STARD7: variants seen among roughly 807,000 people sequenced by gnomAD.
STARD7 encodes stAR-related lipid transfer protein 7, mitochondrial.
Under a neutral mutation model 45.3 loss-of-function variants are expected in STARD7, and 30 were observed. The ratio of observed to expected loss-of-function variants is 0.66; its 90% CI spans 0.50 to 0.90. STARD7 has a LOEUF of 0.90. STARD7 is among the 40% of genes least tolerant of loss of function. The pLI is 0.00. For missense variants in STARD7, 495 were observed against 491.3 expected (o/e 1.01, Z -0.07); for synonymous variants, 199 against 183.0 (o/e 1.09, Z -0.70).
intron 1 of STARD7, among the ~76,000 whole-genome samples, chr2:96,205,114 C>T (rs1477166897): frequency 6.6e-6 from 1 of 152,098 alleles, no homozygotes; most frequent in Non-Finnish European, 1.5e-5. Flanking sequence ...CAGCTAGCAC[C>T]AAAAACAGCA....
Position 96,195,455 on chromosome 2 carries a change from C to G in STARD7, c.385G>C (p.Glu129Gln). The G allele has an allele frequency of 6.2e-7, 1 of 1,613,660 alleles. No individual in the cohort carries two copies. The highest frequency in any genetic ancestry group is 8.5e-7 in the Non-Finnish European group (1 of 1,179,766). Residue 129 changes from glutamate to glutamine, a missense_variant, in exon 2 of 8, where the codon GAA becomes CAA. By Grantham distance (29) the Glu-to-Gln change is conservative (BLOSUM62 2). This residue lies in a region of STARD7 where 282 missense variants were observed against 220.1 expected (regional missense o/e 1.28). Coordinates refer to ENST00000337288, the MANE Select transcript of STARD7 (RefSeq NM_020151.4). ...TTGCCCTCTGAATCTTCATTCCCTT[C>G]TGTTTGGGCTTTTGGTTCTGGAGGG... ...HHPPEPKAQT[E>Q]GNEDSEGKEQ...
At chr2:96,197,960 CAAATA>C (rs1459527568) in intron 1 of STARD7, among the ~76,000 whole-genome samples, 1 of 152,064 alleles carries the variant, frequency 6.6e-6, no homozygotes, top group African/African-American at 2.4e-5. Flanking sequence ...ATCCATTCAT[CAAATA>C]AAATTTGTTT....
chr2:96,193,353 C>A lies in STARD7; in HGVS notation c.550-1G>T. 1 of 1,602,954 alleles carries A rather than the reference C, an allele frequency of 6.2e-7. No individual in the cohort carries two copies. Among genetic ancestry groups the A allele is most frequent in the Non-Finnish European group, 8.5e-7 (1 of 1,169,906 alleles). On this transcript the variant is annotated splice_acceptor_variant, in intron 3 of 7. Transcript: ENST00000337288. LOFTEE classifies it high-confidence loss of function. The stretch of plus-strand genomic sequence containing the variant: ...ATTTTTTTCTATACTCTGTGTCCAG[C>A]TGCAGAAAGAGAAAAGACCATGAAT...
Position 96,208,692 on chromosome 2 carries a change from A to C in STARD7, c.-258T>G, listed in dbSNP as rs1683452638. ...CCAGGCACTCCTGGGCCCGGGCAGC[A>C]GACCAGTCAGCCCTGTGGCTCCTCG... On this transcript the variant is annotated 5_prime_UTR_variant, in exon 1 of 8. Transcript: ENST00000337288. 2.3e-6 allele frequency: 1 copy of C among 439,276 alleles called. No individual in the cohort carries two copies. Among genetic ancestry groups the C allele is most frequent in the Admixed American group, 4.4e-5 (1 of 22,852 alleles). The allele number at this position is 439,276 out of a possible 1,614,324, so 27.2% of individuals were successfully genotyped here. A position where few individuals can be genotyped will look rare whatever the true frequency, so the allele number is the denominator to read the frequency against.
chr2:96,188,917 A>G (rs1284289609), intron 6 of STARD7, among the ~76,000 whole-genome samples: 1 of 146,278 alleles, frequency 6.8e-6, no homozygotes, highest in African/African-American at 2.5e-5. Context: ...AAAACAAACA[A>G]AAACAAAAAA....
At chr2:96,199,963 G>T (rs1683280107) in intron 1 of STARD7, among the ~76,000 whole-genome samples, 1 of 152,120 alleles carries the variant, frequency 6.6e-6, no homozygotes, top group African/African-American at 2.4e-5. Context: ...GTAATAAATT[G>T]ATTTTTGTAT....
intron 1 of STARD7, among the ~76,000 whole-genome samples, chr2:96,201,899 A>C (rs1444602835): frequency 6.6e-6 from 1 of 152,230 alleles, no homozygotes; most frequent in Non-Finnish European, 1.5e-5. Flanking sequence ...AATAATGGTA[A>C]GTCTAAAGAT....
chr2:96,194,230 C>T (rs1327058132), intron 3 of STARD7, among the ~76,000 whole-genome samples: 4 of 152,008 alleles, frequency 2.6e-5, no homozygotes, highest in East Asian at 3.9e-4. Flanking sequence ...AGTGTGGTGG[C>T]GCATGCCTGT....
intron 6 of STARD7, among the ~76,000 whole-genome samples, chr2:96,190,696 C>T (rs1221296652): frequency 6.6e-6 from 1 of 151,840 alleles, no homozygotes; most frequent in Non-Finnish European, 1.5e-5. Context: ...GGCTGGCATG[C>T]AGTGGCACAA....
At position 96,208,126 on chromosome 2, in the gene STARD7, A is replaced by G; in HGVS notation, c.290+19T>C. The G allele has an allele frequency of 6.6e-7, 1 of 1,521,102 alleles. No individual in the cohort carries two copies. The highest frequency in any genetic ancestry group is 8.8e-7 in the Non-Finnish European group (1 of 1,134,644). The allele number at this position is 1,521,102 out of a possible 1,614,324, so 94.2% of individuals were successfully genotyped here. A position where few individuals can be genotyped will look rare whatever the true frequency, so the allele number is the denominator to read the frequency against. On this transcript the variant is annotated intron_variant, in intron 1 of 7. Coordinates refer to ENST00000337288, the MANE Select transcript of STARD7 (RefSeq NM_020151.4). ...CCCCCCCACCCCACGGCCCAGAAAG[A>G]GCTCGCCGCAGCGCCCACCTCTGCA...
At chr2:96,203,563 G>A (rs1683339655) in intron 1 of STARD7, among the ~76,000 whole-genome samples, 2 of 152,154 alleles carry the variant, frequency 1.3e-5, no homozygotes, top group South Asian at 4.1e-4. Context: ...CCTACAATTA[G>A]GAATTTCAGT....
intron 1 of STARD7, among the ~76,000 whole-genome samples, chr2:96,204,532 G>A (rs1361845439): frequency 1.3e-5 from 2 of 152,134 alleles, no homozygotes; most frequent in Non-Finnish European, 2.9e-5. Flanking sequence ...TCCAGCCTGG[G>A]CGACAGGGTG....
chr2:96,191,692 T>C (rs1275523681), intron 6 of STARD7, among the ~76,000 whole-genome samples: 1 of 151,926 alleles, frequency 6.6e-6, no homozygotes, highest in Non-Finnish European at 1.5e-5. Context: ...ACTCAAGTCC[T>C]TGAGGTGGTA....
At chr2:96,192,270 T>C (rs944181112) in intron 6 of STARD7, 99 bp downstream of exon 6, 21 of 976,020 alleles carry the variant, frequency 2.2e-5, no homozygotes, top group Non-Finnish European at 3.5e-5. Flanking sequence ...GCGAGAACTG[T>C]TCCTGCGCCA....
chr2:96,202,216 G>A (rs1683317337), intron 1 of STARD7, among the ~76,000 whole-genome samples: 1 of 152,156 alleles, frequency 6.6e-6, no homozygotes, highest in East Asian at 1.9e-4. Flanking sequence ...TTTGCATCTT[G>A]AAGATAACAC....
In STARD7 at chr2:96,185,012, C is replaced by T. The variant is rs546086357; in HGVS notation, c.*1718G>A. 6.5e-6 allele frequency: 1 copy of T among 152,762 alleles called. No individual in the cohort carries two copies. The highest frequency in any genetic ancestry group is 2.1e-4 in the South Asian group (1 of 4,830). 9.5% of individuals were successfully genotyped at this position (152,762 alleles called of 1,614,324 possible). ...AAGTCAGAACATGGAGCAACCGCAA[C>T]TCCTTCGCACTTGTGCATGTGTGTG... On this transcript the variant is annotated 3_prime_UTR_variant, in exon 8 of 8. Transcript: ENST00000337288.
At chr2:96,203,180 T>C (rs1330061304) in intron 1 of STARD7, among the ~76,000 whole-genome samples, 1 of 152,202 alleles carries the variant, frequency 6.6e-6, no homozygotes, top group Admixed American at 6.5e-5. Flanking sequence ...CTAACATATA[T>C]GTGGAGAAAA....
intron 6 of STARD7, chr2:96,188,000 C>G (rs887961346): frequency 6.6e-6 from 1 of 151,636 alleles, no homozygotes; most frequent in South Asian, 2.1e-4. Flanking sequence ...GTTGGCTGGG[C>G]GTGGTGGCTC....
chr2:96,193,071 T>C lies in STARD7; in HGVS notation c.743+7A>G, dbSNP rs369496959. On this transcript the variant is annotated splice_region_variant and intron_variant, in intron 5 of 7. Coordinates refer to ENST00000337288, the MANE Select transcript of STARD7 (RefSeq NM_020151.4). ...ACTCGGCAACAGCCACAGGCAGCCA[T>C]ACATACCGCGACACCAACACCATCA... 3 of 1,609,244 alleles carry C rather than the reference T, an allele frequency of 1.9e-6. No homozygotes were observed. Among genetic ancestry groups the C allele is most frequent in the South Asian group, 1.1e-5 (1 of 90,734 alleles).
Sources: gnomAD v4.1 joint callset for allele counts (sites outside exome capture counted in the v4.1 genomes callset) on GRCh38, gnomAD v4.1.1 for gene constraint, gnomAD v4.1.1 regional missense constraint, MANE v1.5 for transcripts, NCBI Gene and HGNC (gene_info 2026-07-23, HGNC 2026-07-21) for gene names.